ELF2: variants seen among roughly 807,000 people sequenced by gnomAD.
ELF2 encodes E74 like ETS transcription factor 2, also known as ETS-related transcription factor Elf-2.
In ELF2, 11 loss-of-function variants were observed where a neutral mutation model predicts 54.8. The observed-to-expected ratio is 0.20, with a 90% CI of 0.13 to 0.33. ELF2 has a LOEUF of 0.33. Among genes scored for constraint, ELF2 ranks in the 10% least tolerant of loss-of-function variants. ELF2 has a pLI of 1.00. For missense variants in ELF2, 513 were observed against 703.0 expected, an observed-to-expected ratio of 0.73 and a Z score of 3.06; for synonymous variants, 203 against 245.1, an observed-to-expected ratio of 0.83 and a Z score of 1.61.
intron 4 of ELF2, among the ~76,000 whole-genome samples, chr4:139,109,034 T>C (rs920884480): frequency 5.9e-5 from 9 of 152,182 alleles, no homozygotes; most frequent in African/African-American, 2.2e-4. Flanking sequence ...AAAGATACTA[T>C]GTTATCTCCC....
chr4:139,113,741 G>T (rs1735226069), intron 4 of ELF2, among the ~76,000 whole-genome samples: 1 of 150,700 alleles, frequency 6.6e-6, no homozygotes, highest in South Asian at 2.1e-4. Context: ...TGTAATCCCA[G>T]CTACTCAGGA....
chr4:139,173,357 A>G (rs1304389333), intron 1 of ELF2, among the ~76,000 whole-genome samples: 1 of 152,216 alleles, frequency 6.6e-6, no homozygotes, highest in East Asian at 1.9e-4. Flanking sequence ...ATGAATATTC[A>G]TAGCAGCATA....
chr4:139,128,665 G>T (rs1737190742), intron 3 of ELF2, among the ~76,000 whole-genome samples: 1 of 151,632 alleles, frequency 6.6e-6, no homozygotes. Flanking sequence ...GGGACTACAG[G>T]CATGTGCCAC....
At position 139,129,304 on chromosome 4, in the gene ELF2, C is replaced by T. The variant is rs553662132; in HGVS notation, c.73-3975G>A. 5.3e-5 allele frequency among the ~76,000 whole-genome samples: 8 copies of T among 152,336 alleles called. No individual in the cohort carries two copies. In the East Asian group the frequency reaches 1.3e-3, roughly 26 times the overall value. On this transcript the variant is annotated intron_variant, in intron 3 of 9. Coordinates refer to ENST00000686138, the MANE Select transcript of ELF2 (RefSeq NM_001331036.3). ...TCTCCATAGACTCAAGTCTAGCCAA[C>T]TTAGTGAGGTTCTATCCTCAGTGTC...
chr4:139,172,069 G>A (rs2148918951), intron 1 of ELF2, among the ~76,000 whole-genome samples: 1 of 152,328 alleles, frequency 6.6e-6, no homozygotes, highest in Non-Finnish European at 1.5e-5. Context: ...CAGTTTGGCA[G>A]TGTCCTAAAA....
At chr4:139,166,644 G>A (rs563297073) in intron 1 of ELF2, among the ~76,000 whole-genome samples, 91 of 152,148 alleles carry the variant, frequency 6.0e-4, no homozygotes, top group African/African-American at 2.1e-3. Flanking sequence ...CGAGGTGGGC[G>A]GATCACAAGG....
intron 1 of ELF2, among the ~76,000 whole-genome samples, chr4:139,161,150 T>C (rs1480297703): frequency 6.6e-6 from 1 of 152,178 alleles, no homozygotes; most frequent in Non-Finnish European, 1.5e-5. Flanking sequence ...TCTATTCAGA[T>C]TGGTTTAGAT....
At chr4:139,167,231 A>C (rs936734593) in intron 1 of ELF2, among the ~76,000 whole-genome samples, 2 of 152,172 alleles carry the variant, frequency 1.3e-5, no homozygotes, top group African/African-American at 4.8e-5. Flanking sequence ...CAAGACTTTG[A>C]CTGGAATATC....
At position 139,148,760 on chromosome 4, in the gene ELF2, A is replaced by C. The variant is rs140012771; in HGVS notation, c.-251-9263T>G. Among the ~76,000 whole-genome samples the C allele has an allele frequency of 6.4e-3, 967 of 152,254 alleles. 14 individuals carry two copies. The highest frequency in any genetic ancestry group is 0.023 in the African/African-American group (935 of 41,522). On this transcript the variant is annotated intron_variant, in intron 1 of 9. Coordinates refer to ENST00000686138, the MANE Select transcript of ELF2 (RefSeq NM_001331036.3). ...TTTCGCATATATAGCCAGGAGAAGA[A>C]GTGCTAGAACACAGTAACTGTATGT...
chr4:139,075,390 G>A (rs1030500501), intron 4 of ELF2, among the ~76,000 whole-genome samples: 6 of 152,082 alleles, frequency 3.9e-5, no homozygotes, highest in African/African-American at 1.2e-4. Flanking sequence ...CATATGCCAT[G>A]GTTCCCAACA....
At chr4:139,103,304 G>A (rs1734097450) in intron 4 of ELF2, among the ~76,000 whole-genome samples, 1 of 152,168 alleles carries the variant, frequency 6.6e-6, no homozygotes, top group Non-Finnish European at 1.5e-5. Flanking sequence ...TTGAGTAATG[G>A]CTGGCAGCCC....
chr4:139,170,151 G>A (rs1178928358), intron 1 of ELF2, among the ~76,000 whole-genome samples: 3 of 151,724 alleles, frequency 2.0e-5, no homozygotes, highest in Non-Finnish European at 4.4e-5. Flanking sequence ...CTTGGATTAG[G>A]CAGAGTTCTT....
chr4:139,109,004 C>T (rs1734699966), intron 4 of ELF2, among the ~76,000 whole-genome samples: 1 of 152,150 alleles, frequency 6.6e-6, no homozygotes, highest in African/African-American at 2.4e-5. Context: ...AGAAAAACAT[C>T]ATGGAAAGTA....
intron 1 of ELF2, among the ~76,000 whole-genome samples, chr4:139,141,405 A>G (rs1041606854): frequency 1.3e-5 from 2 of 152,146 alleles, no homozygotes; most frequent in Non-Finnish European, 2.9e-5. Flanking sequence ...ATATGCACAC[A>G]TATATAAAGC....
intron 6 of ELF2, 113 bp downstream of exon 6, chr4:139,071,753 A>C (rs1401316556): frequency 1.4e-5 from 14 of 993,162 alleles, no homozygotes; most frequent in Non-Finnish European, 2.0e-5. Flanking sequence ...TCTGGTTAAG[A>C]TAACATCAAT....
At chr4:139,089,389 T>C (rs1732347904) in intron 4 of ELF2, among the ~76,000 whole-genome samples, 1 of 152,220 alleles carries the variant, frequency 6.6e-6, no homozygotes, top group Non-Finnish European at 1.5e-5. Context: ...ACTACTCATT[T>C]ATGCTGTAAA....
intron 7 of ELF2, chr4:139,067,048 A>AC: frequency 6.6e-6 from 1 of 152,118 alleles, no homozygotes; most frequent in East Asian, 1.9e-4. Flanking sequence ...CTGAGGCAGA[A>AC]GGATCACTTG....
At chr4:139,135,942 CA>C (rs1177486629) in intron 3 of ELF2, among the ~76,000 whole-genome samples, 3 of 152,158 alleles carry the variant, frequency 2.0e-5, no homozygotes, top group Non-Finnish European at 4.4e-5. Flanking sequence ...AGGAGTATTC[CA>C]GAAACAAACT....
At chr4:139,156,316 C>T (rs1372027990) in intron 1 of ELF2, among the ~76,000 whole-genome samples, 1 of 152,092 alleles carries the variant, frequency 6.6e-6, no homozygotes, top group Non-Finnish European at 1.5e-5. Context: ...GCTGGGACTA[C>T]AGGCACCCGC....
Sources: gnomAD v4.1 joint callset for allele counts (sites outside exome capture counted in the v4.1 genomes callset) on GRCh38, gnomAD v4.1.1 for gene constraint, MANE v1.5 for transcripts, NCBI Gene and HGNC (gene_info 2026-07-23, HGNC 2026-07-21) for gene names.